SLC12A8: variants seen among roughly 807,000 people sequenced by gnomAD.
The protein encoded by SLC12A8 is solute carrier family 12 member 8, also known as cation-chloride cotransporter 9.
Under a neutral mutation model 75.6 loss-of-function variants are expected in SLC12A8, and 69 were observed. The ratio of observed to expected loss-of-function variants is 0.91; its 90% confidence interval spans 0.75 to 1.11. SLC12A8 has a LOEUF of 1.11. Among genes scored for constraint, SLC12A8 ranks in the 50% most tolerant of loss-of-function variants. The pLI, the probability that SLC12A8 is intolerant of heterozygous loss-of-function variation, is 0.00. For synonymous variants in SLC12A8, 365 were observed against 372.8 expected (o/e 0.98, Z 0.24); for missense variants, 877 against 896.7 (o/e 0.98, Z 0.28).
intron 5 of SLC12A8, among the ~76,000 whole-genome samples, chr3:125,167,529 C>T (rs1480062140): frequency 6.6e-6 from 1 of 152,212 alleles, no homozygotes; most frequent in Non-Finnish European, 1.5e-5. Context: ...TAGCCCCTCA[C>T]CCAAAGGATC....
chr3:125,170,964 G>A (rs896629367), intron 5 of SLC12A8, among the ~76,000 whole-genome samples: 9 of 152,114 alleles, frequency 5.9e-5, no homozygotes, highest in Admixed American at 5.2e-4. Context: ...GCTATGTGCC[G>A]ATCTCCCTCT....
At chr3:125,118,906 G>GC in intron 7 of SLC12A8, 50 bp from the exon 8 acceptor site, 3 of 1,261,968 alleles carry the variant, frequency 2.4e-6, no homozygotes, top group Non-Finnish European at 3.5e-6. Flanking sequence ...ACCTCACCCA[G>GC]CCCCATCCAA....
At chr3:125,169,460 G>A (rs1015942513) in intron 5 of SLC12A8, among the ~76,000 whole-genome samples, 11 of 152,124 alleles carry the variant, frequency 7.2e-5, no homozygotes, top group African/African-American at 2.7e-4. Flanking sequence ...CACTGTTATT[G>A]GAAGTTTGGA....
rs562286039 is a variant in SLC12A8 at position 125,194,468 on chromosome 3, A to T, written c.52-3947T>A. Among the ~76,000 whole-genome samples the T allele has an allele frequency of 3.3e-5, 5 of 152,138 alleles. No homozygotes were observed. The South Asian group carries it at 1.0e-3, about 32-fold the overall frequency. On this transcript the variant is annotated intron_variant, in intron 2 of 13. Transcript: ENST00000469902. ...GGTGGGGGTAGGGGGTTGTCTAGAA[A>T]GGTGGGGAAGTTGCACCTGAGTAGG...
At chr3:125,144,047 G>T (rs534816844) in intron 5 of SLC12A8, among the ~76,000 whole-genome samples, 9 of 152,342 alleles carry the variant, frequency 5.9e-5, no homozygotes, top group Admixed American at 3.3e-4. Flanking sequence ...TGGCCTTGGG[G>T]TCAGTAAGCT....
At chr3:125,160,175 C>T (rs1934136967) in intron 5 of SLC12A8, among the ~76,000 whole-genome samples, 1 of 151,950 alleles carries the variant, frequency 6.6e-6, no homozygotes, top group Admixed American at 6.6e-5. Flanking sequence ...AACTCCTGGG[C>T]TCAAGTGATC....
intron 13 of SLC12A8, among the ~76,000 whole-genome samples, chr3:125,084,360 T>C (rs576955384): frequency 6.6e-6 from 1 of 151,998 alleles, no homozygotes; most frequent in African/African-American, 2.4e-5. Flanking sequence ...AATGGTATCA[T>C]GTTGGGGCTC....
At chr3:125,129,958 T>G (rs1361475946) in intron 6 of SLC12A8, among the ~76,000 whole-genome samples, 1 of 152,112 alleles carries the variant, frequency 6.6e-6, no homozygotes, top group Non-Finnish European at 1.5e-5. Flanking sequence ...TGTCGGGTCC[T>G]TCATAAGCTC....
chr3:125,109,393 T>A (rs1280826561), intron 9 of SLC12A8, among the ~76,000 whole-genome samples: 2 of 152,174 alleles, frequency 1.3e-5, no homozygotes, highest in African/African-American at 2.4e-5. Context: ...TCTAATAGGA[T>A]CTCAAACGGA....
At chr3:125,179,683 T>C (rs1934609660) in intron 4 of SLC12A8, among the ~76,000 whole-genome samples, 1 of 150,168 alleles carries the variant, frequency 6.7e-6, no homozygotes, top group South Asian at 2.1e-4. Context: ...CCAAGAAATG[T>C]GAGGGAAATA....
intron 7 of SLC12A8, 42 bp from the exon 8 acceptor site, chr3:125,118,898 C>A (rs1392234488): frequency 7.4e-7 from 1 of 1,347,890 alleles, no homozygotes; most frequent in Non-Finnish European, 1.1e-6. Context: ...CCCGACTCAC[C>A]TCACCCAGCC....
intron 5 of SLC12A8, among the ~76,000 whole-genome samples, chr3:125,169,459 T>C (rs1934362377): frequency 2.0e-5 from 3 of 152,016 alleles, no homozygotes; most frequent in Admixed American, 2.0e-4. Context: ...CCACTGTTAT[T>C]GGAAGTTTGG....
At position 125,180,855 on chromosome 3, in the gene SLC12A8, G is replaced by C. The variant is rs561923112; in HGVS notation, c.391-2881C>G. Among the ~76,000 whole-genome samples, 171 of 152,274 alleles carry C rather than the reference G, an allele frequency of 1.1e-3. 1 individual carries two copies. The highest frequency in any genetic ancestry group is 5.2e-3 in the South Asian group (25 of 4,826). On this transcript the variant is annotated intron_variant, in intron 4 of 13. Transcript: ENST00000469902. ...GTAAATAAGGATGCTTGAAACCAAA[G>C]AGACTTACTTTAAGGAAAGCAATTA...
rs1300058325 is a variant in SLC12A8 at position 125,083,962 on chromosome 3, T to G, written c.2073A>C (p.Ala691=). 1.9e-6 allele frequency: 3 copies of G among 1,613,716 alleles called. No individual in the cohort carries two copies. In the South Asian group the frequency reaches 3.3e-5, roughly 18 times the overall value. Reference sequence around the variant, plus strand: ...GGTAGCGATCCCGAGTGGCGAAGTCTGCATTCTCCTGGGTGAGCTGAGTCA... The same window carrying G: ...GGTAGCGATCCCGAGTGGCGAAGTCGGCATTCTCCTGGGTGAGCTGAGTCA... ...MEMTQLTQEN[A]DFATRDRYHH... Residue 691 remains alanine (A), a synonymous_variant, in exon 14 of 14, where the codon GCA becomes GCC. Transcript: ENST00000469902.
intron 5 of SLC12A8, among the ~76,000 whole-genome samples, chr3:125,137,672 G>A (rs759105489): frequency 6.6e-6 from 1 of 152,248 alleles, no homozygotes; most frequent in Non-Finnish European, 1.5e-5. Context: ...TGACACAGGG[G>A]AATATTTGGT....
At chr3:125,147,377 T>C (rs1349455330) in intron 5 of SLC12A8, among the ~76,000 whole-genome samples, 1 of 152,220 alleles carries the variant, frequency 6.6e-6, no homozygotes, top group Non-Finnish European at 1.5e-5. Flanking sequence ...GCAGGGGCAC[T>C]CTGCTCTCAG....
Position 125,107,863 on chromosome 3 carries a change from G to A in SLC12A8, c.1323C>T (p.Tyr441=), listed in dbSNP as rs548887199. Residue 441 remains tyrosine (Y), a synonymous_variant, in exon 10 of 14, where the codon TAC becomes TAT. Transcript: ENST00000469902. ...EHLLLEKAPS[Y]GSEGPAQRVL... Reference sequence around the variant, plus strand: ...CTCTTTGGGCAGGTCCCTCAGAGCCGTAACTGGGAGCTTTCTCTAAGAGCA... The same window carrying A: ...CTCTTTGGGCAGGTCCCTCAGAGCCATAACTGGGAGCTTTCTCTAAGAGCA... 65 of 1,614,158 alleles carry A rather than the reference G, an allele frequency of 4.0e-5. No individual in the cohort carries two copies. Among genetic ancestry groups the A allele is most frequent in the African/African-American group, 1.2e-4 (9 of 75,030 alleles).
At chr3:125,156,674 G>A (rs1324600257) in intron 5 of SLC12A8, among the ~76,000 whole-genome samples, 4 of 152,288 alleles carry the variant, frequency 2.6e-5, no homozygotes, top group South Asian at 4.1e-4. Flanking sequence ...ATGAGATCAC[G>A]AAACTGTCTC....
At chr3:125,094,592 A>G (rs182242255) in intron 10 of SLC12A8, among the ~76,000 whole-genome samples, 10 of 152,240 alleles carry the variant, frequency 6.6e-5, no homozygotes, top group African/African-American at 2.2e-4. Flanking sequence ...TTGTTCTCAC[A>G]TCATCAATTT....
Sources: gnomAD v4.1 joint callset for allele counts (sites outside exome capture counted in the v4.1 genomes callset) on GRCh38, gnomAD v4.1.1 for gene constraint, MANE v1.5 for transcripts, NCBI Gene and HGNC (gene_info 2026-07-23, HGNC 2026-07-21) for gene names.